The following EPG5 variants were observed in gnomAD, a reference collection of about 807,000 sequenced individuals.
EPG5 encodes ectopic P granules protein 5 homolog.
A neutral mutation model predicts 302.7 loss-of-function variants in EPG5; 159 were observed. The ratio of observed to expected loss-of-function variants is 0.53; its 90% CI spans 0.46 to 0.60. The LOEUF is 0.60. EPG5 is among the 20% of genes least tolerant of loss of function. The probability of loss-of-function intolerance (pLI) is 0.00; values close to 1 mark genes in which losing one functional copy is unlikely to be tolerated. For synonymous variants in EPG5, 1,158 were observed against 1,136.8 expected, an observed-to-expected ratio of 1.02 and a Z score of -0.37; for missense variants, 2,896 against 3,092.4, an observed-to-expected ratio of 0.94 and a Z score of 1.51.
chr18:45,852,280 A>AAC lies in EPG5; in HGVS notation c.*185_*186dup, dbSNP rs112643058. On this transcript the variant is annotated 3_prime_UTR_variant, in exon 44 of 44. Transcript: ENST00000282041. ...CCCAGAAGGTCTTAAGAGCTAAGAAAACACACACACACACACACACACACC... is the reference window on the plus strand; with the variant it reads ...CCCAGAAGGTCTTAAGAGCTAAGAAAACACACACACACACACACACACACACC... 11,342 of 484,804 alleles carry AAC rather than the reference A, an allele frequency of 0.023. 321 individuals are homozygous for AAC. Among genetic ancestry groups the AAC allele is most frequent in the African/African-American group, 0.11 (5,372 of 48,950 alleles). 30.0% of individuals were successfully genotyped at this position (484,804 alleles called of 1,614,324 possible). A position where few individuals can be genotyped will look rare whatever the true frequency, so the allele number is the denominator to read the frequency against.
intron 32 of EPG5, 135 bp from the exon 33 acceptor site, chr18:45,879,349 A>C: frequency 1.6e-6 from 1 of 631,270 alleles, no homozygotes; most frequent in South Asian, 2.1e-5. Context: ...AGCATATGAG[A>C]AATAAATCAA....
At position 45,934,991 on chromosome 18, in the gene EPG5, AT is replaced by A. The variant is rs780414286; in HGVS notation, c.2100-26del. On this transcript the variant is annotated intron_variant, in intron 10 of 43. Transcript: ENST00000282041. ...TCTGCATGTAAGCAGGAATCATTTT[AT>A]TTATTAATCAGCTTCATTACACTAA... 3 of 1,584,442 alleles carry A rather than the reference AT, an allele frequency of 1.9e-6. No individual in the cohort carries two copies. In the South Asian group the frequency reaches 3.5e-5, roughly 18 times the overall value.
rs986207367 is a variant in EPG5, at chr18:45,907,880, T to C, written c.4329+78A>G. 84 of 1,360,766 alleles carry C rather than the reference T, an allele frequency of 6.2e-5. No homozygotes were observed. The Middle Eastern group carries it at 1.2e-3, about 19-fold the overall frequency. 84.3% of individuals were successfully genotyped at this position (1,360,766 alleles called of 1,614,324 possible). On this transcript the variant is annotated intron_variant, in intron 24 of 43. Transcript: ENST00000282041. ...CCATTTTCTTATCAATAAATTGTTT[T>C]ATTATGAATATGACCAGTTCAAATT...
chr18:45,833,322 AT>A, the EPG5 span, among the ~76,000 whole-genome samples: 1 of 151,906 alleles, frequency 6.6e-6, no homozygotes, highest in Non-Finnish European at 1.5e-5. Flanking sequence ...TTATTTTATT[AT>A]TATTATTATT....
In EPG5 at chr18:45,954,621, T is replaced by G; in HGVS notation, c.781A>C (p.Lys261Gln). The change falls in exon 2 of 44, where the codon AAA (lysine) becomes CAA (glutamine). Residue 261 changes from lysine to glutamine, a missense_variant. Around this residue, in one of 5 missense-constraint regions of EPG5, gnomAD observed 1,390 missense variants for 1,430.0 expected, o/e 0.97. Transcript: ENST00000282041. ...AGCCATGAACCAGGCTCCAAGATTT[T>G]TAGCTGTTCTTTAGTAAATGGTACT... is the stretch of plus-strand genomic sequence containing the variant. ...ELVPFTKEQL[K>Q]ILEPGSWLEN... 6.2e-7 allele frequency: 1 copy of G among 1,614,262 alleles called. No individual in the cohort carries two copies. The highest frequency in any genetic ancestry group is 8.5e-7 in the Non-Finnish European group (1 of 1,180,044).
intron 39 of EPG5, among the ~76,000 whole-genome samples, chr18:45,861,132 G>C (rs1469670195): frequency 6.6e-6 from 1 of 152,190 alleles, no homozygotes; most frequent in African/African-American, 2.4e-5. Flanking sequence ...AAAGTTGAGA[G>C]ATCTTACTCA....
chr18:45,842,025 G>A, the EPG5 span: 1 of 1,270,734 alleles, frequency 7.9e-7, no homozygotes, highest in Non-Finnish European at 1.2e-6. Context: ...TCCTCTTCTT[G>A]GCCCACTGCT....
In EPG5 at chr18:45,860,276, G is replaced by A. The variant is rs377043340; in HGVS notation, c.6837C>T (p.Asn2279=). The stretch of plus-strand genomic sequence containing the variant: ...GGAACTCTGCTGTTGGAATAGTCGC[G>A]TTGTTCATCATCATCAGGACTTCCA... ...LFMEVLMMMN[N]ATIPTAEFLR... Residue 2279 remains asparagine, a synonymous_variant, in exon 40 of 44, where the codon AAC becomes AAT. Transcript: ENST00000282041. 61 of 1,614,084 alleles carry A rather than the reference G, an allele frequency of 3.8e-5. No individual in the cohort carries two copies. Among genetic ancestry groups the A allele is most frequent in the Non-Finnish European group, 4.4e-5 (52 of 1,180,040 alleles).
chr18:45,896,154 A>G (rs1485926372), intron 27 of EPG5, among the ~76,000 whole-genome samples: 5 of 152,252 alleles, frequency 3.3e-5, no homozygotes, highest in Admixed American at 2.0e-4. Context: ...CAACAGTACT[A>G]TATAACTTTC....
intron 7 of EPG5, among the ~76,000 whole-genome samples, chr18:45,944,978 G>T (rs1018212537): frequency 6.6e-6 from 1 of 152,096 alleles, no homozygotes; most frequent in Non-Finnish European, 1.5e-5. Flanking sequence ...CGGTCTTTTC[G>T]TTTGACACAG....
At chr18:45,903,887 A>G (rs1202735020) in intron 25 of EPG5, 86 bp downstream of exon 25, 102 of 1,346,268 alleles carry the variant, frequency 7.6e-5, no homozygotes, top group South Asian at 1.6e-5. Context: ...CACTGGGGGA[A>G]TAAAGTATGT....
intron 11 of EPG5, among the ~76,000 whole-genome samples, chr18:45,934,106 T>C (rs1004898023): frequency 2.0e-5 from 3 of 151,958 alleles, no homozygotes; most frequent in African/African-American, 7.3e-5. Flanking sequence ...CTGGGCAACA[T>C]GATGAAACCA....
In EPG5 at chr18:45,917,837, G is replaced by T; in HGVS notation, c.3099-18C>A. On this transcript the variant is annotated intron_variant, in intron 16 of 43. Transcript: ENST00000282041. ...TCTCAATGCTATGGAAAAAGAGAAA[G>T]GCACTGAATACACAAGGGAGCTGGT... 1 of 1,613,652 alleles carries T rather than the reference G, an allele frequency of 6.2e-7. No individual in the cohort carries two copies. Among genetic ancestry groups the T allele is most frequent in the Non-Finnish European group, 8.5e-7 (1 of 1,179,736 alleles).
rs376495076 is a variant in EPG5, at chr18:45,934,878, C to G, written c.2188G>C (p.Val730Leu). 30 of 1,614,044 alleles carry G rather than the reference C, an allele frequency of 1.9e-5. No homozygotes were observed. The highest frequency in any genetic ancestry group is 2.3e-5 in the Non-Finnish European group (27 of 1,180,036). Reference sequence around the variant, plus strand: ...AGCTGCTGCAGGTTCTCGCTCTCCACCTGGTGCATGAGGTAGAAGAGCTTC... The same window carrying G: ...AGCTGCTGCAGGTTCTCGCTCTCCAGCTGGTGCATGAGGTAGAAGAGCTTC... ...LWKLFYLMHQ[V>L]ESENLQQLSS... is the part of the protein sequence containing the mutation. The change falls in exon 11 of 44, where the codon GTG (valine) becomes CTG (leucine). Residue 730 changes from valine (V) to leucine (L), a missense_variant. Physicochemically the swap from Val to Leu is conservative, Grantham distance 32 (BLOSUM62 1). This residue lies in a region of EPG5 where 1,390 missense variants were observed against 1,430.0 expected (regional missense o/e 0.97). Transcript: ENST00000282041.
chr18:45,920,796 G>T (rs970807744), intron 16 of EPG5, among the ~76,000 whole-genome samples: 16 of 152,308 alleles, frequency 1.1e-4, no homozygotes, highest in African/African-American at 3.8e-4. Context: ...GTCAACATGA[G>T]GTTTAGGGGG....
rs755840290 is a variant in EPG5 at position 45,866,878 on chromosome 18, C to A, written c.6541G>T (p.Glu2181Ter). 2 of 1,614,190 alleles carry A rather than the reference C, an allele frequency of 1.2e-6. No individual in the cohort carries two copies. The highest frequency in any genetic ancestry group is 1.3e-5 in the African/African-American group (1 of 75,040). Reference sequence around the variant, plus strand: ...TTCATGATTAATTCAGCATAAGATTCTTTTGCCAGGATGATGGACGGCGGG... The same window carrying A: ...TTCATGATTAATTCAGCATAAGATTATTTTGCCAGGATGATGGACGGCGGG... ...HYPPSIILAK[E>*]SYAELIMKLL... is the part of the protein sequence containing the mutation. The change falls in exon 38 of 44, where the codon GAA (glutamate) becomes TAA (stop). Residue 2181 changes from glutamate (E) to a stop codon, truncating the protein, a stop_gained. Coordinates refer to ENST00000282041, the MANE Select transcript of EPG5 (RefSeq NM_020964.3). LOFTEE classifies it high-confidence loss of function.
At chr18:45,806,868 C>A in the EPG5 span, among the ~76,000 whole-genome samples, 5 of 152,064 alleles carry the variant, frequency 3.3e-5, no homozygotes, top group Non-Finnish European at 7.3e-5. Context: ...CTCTCCTGGT[C>A]AGAACTCAGG....
chr18:45,931,747 A>C (rs1425954748), intron 11 of EPG5, among the ~76,000 whole-genome samples: 1 of 152,140 alleles, frequency 6.6e-6, no homozygotes, highest in African/African-American at 2.4e-5. Flanking sequence ...ACGCAGGAGA[A>C]TCACTTGAAC....
intron 1 of EPG5, among the ~76,000 whole-genome samples, chr18:45,965,385 C>A (rs575853338): frequency 2.6e-5 from 4 of 152,272 alleles, no homozygotes; most frequent in African/African-American, 9.6e-5. Context: ...AATCTGCACA[C>A]TAAACCACCA....
Sources: gnomAD v4.1 joint callset for allele counts (sites outside exome capture counted in the v4.1 genomes callset) on GRCh38, gnomAD v4.1.1 for gene constraint, gnomAD v4.1.1 regional missense constraint, MANE v1.5 for transcripts, NCBI Gene and HGNC (gene_info 2026-07-23, HGNC 2026-07-21) for gene names.